The following PCSK2 variants were observed in gnomAD, a reference collection of about 807,000 sequenced individuals.
PCSK2 encodes proprotein convertase subtilisin/kexin type 2.
PCSK2 carries 14 observed loss-of-function variants against 69.7 expected under a neutral mutation model. The ratio of observed to expected loss-of-function variants is 0.20; its 90% confidence interval spans 0.13 to 0.31. The LOEUF (loss-of-function observed/expected upper bound fraction) is 0.31. PCSK2 is among the 10% of genes least tolerant of loss of function. The pLI is 1.00. For missense variants in PCSK2, 544 were observed against 842.5 expected (o/e 0.65, Z 4.39); for synonymous variants, 307 against 320.7 (o/e 0.96, Z 0.46).
intron 11 of PCSK2, among the ~76,000 whole-genome samples, 200 bp downstream of exon 11, chr20:17,465,753 T>TGAACTTC (rs1436722545): frequency 6.6e-6 from 1 of 152,150 alleles, no homozygotes; most frequent in Non-Finnish European, 1.5e-5. Context: ...ACTGCAGCCT[T>TGAACTTC]GAACTTCTGG....
intron 2 of PCSK2, among the ~76,000 whole-genome samples, chr20:17,273,294 G>A (rs895696932): frequency 7.2e-5 from 11 of 152,070 alleles, no homozygotes; most frequent in African/African-American, 2.7e-4. Context: ...TGTGACATGG[G>A]CAAGTCATTT....
intron 5 of PCSK2, among the ~76,000 whole-genome samples, chr20:17,381,252 T>C (rs992042926): frequency 3.3e-5 from 5 of 152,212 alleles, no homozygotes; most frequent in Non-Finnish European, 7.3e-5. Context: ...AAGCCAGACT[T>C]TGGCTCTTAG....
intron 5 of PCSK2, among the ~76,000 whole-genome samples, chr20:17,389,851 G>T (rs543210993): frequency 6.6e-6 from 1 of 152,124 alleles, no homozygotes; most frequent in Non-Finnish European, 1.5e-5. Context: ...TTTGGAAAAA[G>T]TTTGGCAGTT....
intron 2 of PCSK2, among the ~76,000 whole-genome samples, chr20:17,283,565 C>G (rs368579301): frequency 2.0e-5 from 3 of 152,170 alleles, no homozygotes; most frequent in African/African-American, 7.2e-5. Context: ...ACCTTAAGTA[C>G]CTACGAATCA....
At chr20:17,433,068 G>A (rs934644526) in intron 7 of PCSK2, among the ~76,000 whole-genome samples, 2 of 152,132 alleles carry the variant, frequency 1.3e-5, no homozygotes, top group Non-Finnish European at 2.9e-5. Flanking sequence ...AGGCCAGGTG[G>A]GTTTGGTCCT....
At chr20:17,430,643 A>G (rs1378371958) in intron 7 of PCSK2, among the ~76,000 whole-genome samples, 2 of 152,098 alleles carry the variant, frequency 1.3e-5, no homozygotes, top group African/African-American at 4.8e-5. Context: ...AGCTCTCTTT[A>G]CTTTGTGCAC....
chr20:17,340,460 C>T (rs547465894), intron 2 of PCSK2, among the ~76,000 whole-genome samples: 2 of 152,308 alleles, frequency 1.3e-5, no homozygotes, highest in East Asian at 1.9e-4. Flanking sequence ...TGCTTTCAAA[C>T]CAGATTTAAT....
chr20:17,440,588 T>C (rs2032574583), intron 8 of PCSK2, among the ~76,000 whole-genome samples: 1 of 152,038 alleles, frequency 6.6e-6, no homozygotes, highest in Non-Finnish European at 1.5e-5. Flanking sequence ...GGCCTTGGCA[T>C]AGTGGCTCAC....
At chr20:17,321,742 G>GA (rs1989875052) in intron 2 of PCSK2, among the ~76,000 whole-genome samples, 1 of 152,084 alleles carries the variant, frequency 6.6e-6, no homozygotes, top group Non-Finnish European at 1.5e-5. Context: ...TATTACACAT[G>GA]AAAAAACCTT....
chr20:17,435,991 C>G (rs1200754025), intron 7 of PCSK2, among the ~76,000 whole-genome samples: 1 of 152,198 alleles, frequency 6.6e-6, no homozygotes, highest in Non-Finnish European at 1.5e-5. Context: ...CCCACACTAT[C>G]CTGGACTGCA....
intron 2 of PCSK2, among the ~76,000 whole-genome samples, chr20:17,279,861 T>G (rs1988238753): frequency 6.6e-6 from 1 of 152,180 alleles, no homozygotes; most frequent in African/African-American, 2.4e-5. Flanking sequence ...AATTGCTGAT[T>G]GTATTCTTGA....
chr20:17,458,803 C>T (rs954724827), intron 10 of PCSK2, among the ~76,000 whole-genome samples: 5 of 152,218 alleles, frequency 3.3e-5, no homozygotes, highest in African/African-American at 1.2e-4. Flanking sequence ...ATGTACTTTT[C>T]TGCCTAATGC....
rs1276362241 is a variant in PCSK2 at position 17,347,930 on chromosome 20, AAAAGAGAAAGAAAGAAAGAAAGAAAG to A, written c.283-10369_283-10344del. ...AAAGAAAGAAAGAAAGGAGAGAGAA[AAAAGAGAAAGAAAGAAAGAAAGAAAG>A]AAAGAGAAAGAAAGAAAGAAAGAAA... On this transcript the variant is annotated intron_variant, in intron 2 of 11. Coordinates refer to ENST00000262545, the MANE Select transcript of PCSK2 (RefSeq NM_002594.5). Among the ~76,000 whole-genome samples, 355 of 71,690 alleles carry A rather than the reference AAAAGAGAAAGAAAGAAAGAAAGAAAG, an allele frequency of 5.0e-3. 29 individuals are homozygous for A. Among genetic ancestry groups the A allele is most frequent in the African/African-American group, 0.012 (198 of 16,608 alleles). The allele number at this position is 71,690 out of a possible 152,430, so 47.0% of individuals were successfully genotyped here.
intron 2 of PCSK2, among the ~76,000 whole-genome samples, chr20:17,338,911 C>T (rs1380574201): frequency 6.6e-6 from 1 of 152,174 alleles, no homozygotes; most frequent in Non-Finnish European, 1.5e-5. Flanking sequence ...AGCAAATCGA[C>T]CCTCCTTAAA....
chr20:17,339,199 C>T (rs548524946), intron 2 of PCSK2, among the ~76,000 whole-genome samples: 11 of 152,264 alleles, frequency 7.2e-5, no homozygotes, highest in African/African-American at 2.2e-4. Context: ...AAAATGCTGA[C>T]GAGGCATGAA....
chr20:17,261,357 G>T (rs1160380203), intron 2 of PCSK2, among the ~76,000 whole-genome samples: 1 of 152,156 alleles, frequency 6.6e-6, no homozygotes, highest in Non-Finnish European at 1.5e-5. Context: ...TTCTTGTGGG[G>T]CTTTTCATGT....
intron 2 of PCSK2, among the ~76,000 whole-genome samples, chr20:17,338,170 T>C (rs1165685722): frequency 1.0e-5 from 1 of 99,702 alleles, no homozygotes; most frequent in South Asian, 4.0e-4. Flanking sequence ...TACATTTTTT[T>C]TGGGGGGGGG....
At chr20:17,319,015 G>A (rs1297011922) in intron 2 of PCSK2, among the ~76,000 whole-genome samples, 1 of 152,170 alleles carries the variant, frequency 6.6e-6, no homozygotes, top group Non-Finnish European at 1.5e-5. Flanking sequence ...TGCTTTGTGA[G>A]AAAAACATAT....
chr20:17,481,897 G>A lies in PCSK2; in HGVS notation c.1744G>A (p.Gly582Arg). Residue 582 changes from glycine (G) to arginine (R), a missense_variant, in exon 12 of 12, where the codon GGG becomes AGG. Gly to Arg is a moderately radical substitution (Grantham distance 125). Around this residue, in one of 3 missense-constraint regions of PCSK2, gnomAD observed 200 missense variants for 287.8 expected, o/e 0.69. Coordinates refer to ENST00000262545, the MANE Select transcript of PCSK2 (RefSeq NM_002594.5). ...ATTTGTCGGCAGCGCCCCGCAGAAG[G>A]GGGTGCTGAAGGAGTGGACCCTGAT... The part of the protein sequence containing the change: ...LGFVGSAPQK[G>R]VLKEWTLMLH... 1 of 1,614,010 alleles carries A rather than the reference G, an allele frequency of 6.2e-7. No individual in the cohort carries two copies. The highest frequency in any genetic ancestry group is 8.5e-7 in the Non-Finnish European group (1 of 1,180,024).
Sources: gnomAD v4.1 joint callset for allele counts (sites outside exome capture counted in the v4.1 genomes callset) on GRCh38, gnomAD v4.1.1 for gene constraint, gnomAD v4.1.1 regional missense constraint, MANE v1.5 for transcripts, NCBI Gene and HGNC (gene_info 2026-07-23, HGNC 2026-07-21) for gene names.